Variants in CTNNA3 observed in about 807,000 individuals in gnomAD.
The protein encoded by CTNNA3 is catenin alpha-3.
A neutral mutation model predicts 95.7 loss-of-function variants in CTNNA3; 76 were observed. That is an observed-to-expected ratio of 0.79 (90% CI 0.66 to 0.96). The LOEUF (loss-of-function observed/expected upper bound fraction) is 0.96. CTNNA3 is among the 40% of genes least tolerant of loss of function. CTNNA3 has a pLI of 0.00. For synonymous variants in CTNNA3, 431 were observed against 374.4 expected, an observed-to-expected ratio of 1.15 and a Z score of -1.74; for missense variants, 1,191 against 1,089.8, an observed-to-expected ratio of 1.09 and a Z score of -1.31.
intron 10 of CTNNA3, among the ~76,000 whole-genome samples, chr10:66,586,337 C>T (rs1389068800): frequency 6.6e-6 from 1 of 152,078 alleles, no homozygotes; most frequent in Non-Finnish European, 1.5e-5. Flanking sequence ...CCAGCTTTGA[C>T]AGAGGCAGCT....
At chr10:67,728,033 T>C (rs1016338628) in intron 1 of CTNNA3, among the ~76,000 whole-genome samples, 61 of 141,436 alleles carry the variant, frequency 4.3e-4, no homozygotes, top group African/African-American at 1.6e-3. Flanking sequence ...TTATATATGA[T>C]ATATAATTAT....
rs2083112882 is a variant in CTNNA3 at position 66,131,721 on chromosome 10, A to C, written c.1885-28472T>G. Among the ~76,000 whole-genome samples the C allele has an allele frequency of 2.0e-5, 3 of 152,160 alleles. No homozygotes were observed. In the South Asian group the frequency reaches 6.2e-4, roughly 32 times the overall value. On this transcript the variant is annotated intron_variant, in intron 13 of 17. Transcript: ENST00000433211. ...ACAGACACACAGACCAATGGAATAG[A>C]GAATAGAGAGCCCAGAAATAAGGCC... is the stretch of plus-strand genomic sequence containing the variant.
At chr10:67,042,421 G>C (rs750319635) in intron 7 of CTNNA3, among the ~76,000 whole-genome samples, 8 of 152,126 alleles carry the variant, frequency 5.3e-5, no homozygotes, top group Non-Finnish European at 8.8e-5. Context: ...GAAATAACAA[G>C]AGTATCACAT....
intron 1 of CTNNA3, among the ~76,000 whole-genome samples, chr10:67,739,154 G>T (rs2133639002): frequency 6.6e-6 from 1 of 152,284 alleles, no homozygotes; most frequent in East Asian, 1.9e-4. Context: ...ATTCACCAAA[G>T]TTGAAATGAA....
intron 10 of CTNNA3, among the ~76,000 whole-genome samples, chr10:66,556,301 T>C (rs1240514596): frequency 6.6e-6 from 1 of 152,038 alleles, no homozygotes; most frequent in Non-Finnish European, 1.5e-5. Flanking sequence ...GAAAAGAATA[T>C]GGAAGTTCAT....
chr10:67,707,282 A>G (rs7091132), intron 1 of CTNNA3, among the ~76,000 whole-genome samples: 19,032 of 152,072 alleles, frequency 0.13, 1,779 homozygotes, highest in African/African-American at 0.27. Context: ...AATCTACAAG[A>G]CCTTGATGAT....
intron 9 of CTNNA3, among the ~76,000 whole-genome samples, chr10:66,708,615 C>A (rs1180880646): frequency 6.6e-6 from 1 of 151,988 alleles, no homozygotes; most frequent in East Asian, 1.9e-4. Flanking sequence ...GGAAGAGATA[C>A]AATTCAGCCC....
Position 67,182,067 on chromosome 10 carries a change from C to T in CTNNA3, c.844-1547G>A, listed in dbSNP as rs557410662. The stretch of plus-strand genomic sequence containing the variant: ...GATACAAACAAATGGAAGAACTTTC[C>T]ATGCTCATGGGTAGGAAGAATCAAT... On this transcript the variant is annotated intron_variant, in intron 6 of 17. Coordinates refer to ENST00000433211, the MANE Select transcript of CTNNA3 (RefSeq NM_013266.4). Among the ~76,000 whole-genome samples the T allele has an allele frequency of 9.3e-3, 1,419 of 152,232 alleles. 18 individuals are homozygous for T. The highest frequency in any genetic ancestry group is 0.032 in the African/African-American group (1,338 of 41,534).
intron 16 of CTNNA3, among the ~76,000 whole-genome samples, chr10:65,972,487 T>A (rs1056688416): frequency 6.6e-6 from 1 of 152,144 alleles, no homozygotes; most frequent in African/African-American, 2.4e-5. Context: ...ACTTCAGTAA[T>A]TTTTTAGGAT....
At chr10:67,054,134 C>T (rs999335167) in intron 7 of CTNNA3, among the ~76,000 whole-genome samples, 1 of 151,996 alleles carries the variant, frequency 6.6e-6, no homozygotes, top group African/African-American at 2.4e-5. Flanking sequence ...CACATATTCA[C>T]GTAAGAAGGC....
chr10:67,044,045 AG>A (rs1854574749), intron 7 of CTNNA3, among the ~76,000 whole-genome samples: 1 of 151,964 alleles, frequency 6.6e-6, no homozygotes, highest in Non-Finnish European at 1.5e-5. Context: ...CCCATCACCC[AG>A]GTAGTAAACA....
intron 1 of CTNNA3, among the ~76,000 whole-genome samples, chr10:67,726,474 TTATATATTATATCA>T (rs1841223300): frequency 1.6e-5 from 1 of 62,452 alleles, no homozygotes; most frequent in African/African-American, 7.0e-5. Context: ...TGATATAATA[TTATATATTATATCA>T]TATACAATAT....
chr10:67,599,456 T>A (rs940134921), intron 3 of CTNNA3, among the ~76,000 whole-genome samples: 3 of 151,224 alleles, frequency 2.0e-5, no homozygotes, highest in Non-Finnish European at 2.9e-5. Flanking sequence ...ATAAAGGGTG[T>A]AATGCAACTA....
chr10:66,445,699 T>C (rs555225058), intron 11 of CTNNA3, among the ~76,000 whole-genome samples: 1 of 151,644 alleles, frequency 6.6e-6, no homozygotes, highest in African/African-American at 2.4e-5. Flanking sequence ...TTTATAGCAC[T>C]AAATGCCCAC....
intron 5 of CTNNA3, among the ~76,000 whole-genome samples, chr10:67,396,491 T>C (rs937946967): frequency 6.6e-6 from 1 of 152,132 alleles, no homozygotes; most frequent in African/African-American, 2.4e-5. Flanking sequence ...ACATGGGAGT[T>C]AGGAGTGTCA....
intron 1 of CTNNA3, among the ~76,000 whole-genome samples, chr10:67,753,541 G>A (rs1841418282): frequency 6.6e-6 from 1 of 152,104 alleles, no homozygotes; most frequent in Admixed American, 6.6e-5. Flanking sequence ...CTATGGAATG[G>A]GAGAATATGT....
intron 7 of CTNNA3, among the ~76,000 whole-genome samples, chr10:67,082,219 C>T (rs986737773): frequency 6.6e-6 from 1 of 152,064 alleles, no homozygotes; most frequent in Non-Finnish European, 1.5e-5. Flanking sequence ...TTCATTTCCC[C>T]TGTTACATTT....
intron 11 of CTNNA3, among the ~76,000 whole-genome samples, chr10:66,437,314 T>TC (rs2093344939): frequency 6.6e-6 from 1 of 152,176 alleles, no homozygotes; most frequent in South Asian, 2.1e-4. Flanking sequence ...CCCTGTTACT[T>TC]TCAGGTACAC....
At chr10:66,257,814 A>G (rs1424324477) in intron 13 of CTNNA3, among the ~76,000 whole-genome samples, 1 of 152,088 alleles carries the variant, frequency 6.6e-6, no homozygotes, top group Non-Finnish European at 1.5e-5. Context: ...GCTAGCACAA[A>G]CCTTAGAATT....
Sources: allele counts gnomAD v4.1 joint callset (sites outside exome capture counted in the v4.1 genomes callset), GRCh38; gene constraint gnomAD v4.1.1; transcripts MANE v1.5; gene names NCBI Gene and HGNC (gene_info 2026-07-23, HGNC 2026-07-21).